TNR: variants seen among roughly 807,000 people sequenced by gnomAD.
The protein encoded by TNR is tenascin R, also known as tenascin-R.
A neutral mutation model predicts 150.4 loss-of-function variants in TNR; 45 were observed. The ratio of observed to expected loss-of-function variants is 0.30; its 90% CI spans 0.24 to 0.38. The LOEUF is 0.38. Among genes scored for constraint, TNR ranks in the 10% least tolerant of loss-of-function variants. The pLI is 1.00. For missense variants in TNR, 1,544 were observed against 1,759.1 expected (o/e 0.88, Z 2.19); for synonymous variants, 687 against 678.4 (o/e 1.01, Z -0.20).
At chr1:175,692,636 G>T (rs1255140462) in intron 1 of TNR, among the ~76,000 whole-genome samples, 1 of 152,204 alleles carries the variant, frequency 6.6e-6, no homozygotes, top group South Asian at 2.1e-4. Flanking sequence ...GGAGTAAGCA[G>T]TGGAGAGGTG....
chr1:175,734,476 A>G (rs557259256), intron 1 of TNR, among the ~76,000 whole-genome samples: 1 of 152,178 alleles, frequency 6.6e-6, no homozygotes, highest in Non-Finnish European at 1.5e-5. Context: ...GCAGAGTTTC[A>G]TCGACTGTTT....
chr1:175,644,892 G>C (rs912275867), intron 1 of TNR, among the ~76,000 whole-genome samples: 2 of 152,220 alleles, frequency 1.3e-5, no homozygotes. Context: ...GAGGGAAAGA[G>C]TGTGTGAAAA....
chr1:175,487,066 T>C (rs1383063705), intron 2 of TNR, among the ~76,000 whole-genome samples: 1 of 152,254 alleles, frequency 6.6e-6, no homozygotes, highest in Admixed American at 6.5e-5. Flanking sequence ...TCTCCCATTC[T>C]GTAGGTTGCC....
At chr1:175,598,197 T>G (rs1663084904) in intron 1 of TNR, among the ~76,000 whole-genome samples, 1 of 152,176 alleles carries the variant, frequency 6.6e-6, no homozygotes, top group Non-Finnish European at 1.5e-5. Context: ...TGAACTTCCC[T>G]CAGGAAGTAA....
At chr1:175,434,292 T>C (rs1006729394) in intron 2 of TNR, among the ~76,000 whole-genome samples, 11 of 152,148 alleles carry the variant, frequency 7.2e-5, no homozygotes, top group Non-Finnish European at 1.5e-4. Context: ...CGACTGTCCC[T>C]GGGAACACAA....
intron 1 of TNR, among the ~76,000 whole-genome samples, chr1:175,642,053 T>C (rs1379387854): frequency 6.6e-6 from 1 of 152,136 alleles, no homozygotes; most frequent in East Asian, 1.9e-4. Context: ...GTAATCCTAA[T>C]CCACAACCAT....
At position 175,448,269 on chromosome 1, in the gene TNR, G is replaced by A. The variant is rs546207365; in HGVS notation, c.-63-41492C>T. On this transcript the variant is annotated intron_variant, in intron 2 of 22. Transcript: ENST00000367674. ...GTCTTGCTCTGTCACCCAGGCTGGA[G>A]TGCAGTGGTGCAATCTTGGCTCACT... is the stretch of plus-strand genomic sequence containing the variant. Among the ~76,000 whole-genome samples the A allele has an allele frequency of 4.4e-3, 675 of 152,238 alleles. 3 individuals are homozygous for A. Among genetic ancestry groups the A allele is most frequent in the Non-Finnish European group, 7.4e-3 (503 of 68,010 alleles).
chr1:175,554,975 C>T (rs1661093824), intron 1 of TNR, among the ~76,000 whole-genome samples: 1 of 152,194 alleles, frequency 6.6e-6, no homozygotes, highest in African/African-American at 2.4e-5. Flanking sequence ...GAACACAGGT[C>T]TCTTTACTCT....
chr1:175,588,069 C>T (rs1662645935), intron 1 of TNR, among the ~76,000 whole-genome samples: 1 of 152,136 alleles, frequency 6.6e-6, no homozygotes, highest in Admixed American at 6.5e-5. Flanking sequence ...ATTTGTCTTG[C>T]ATAGTGTGAA....
intron 1 of TNR, among the ~76,000 whole-genome samples, chr1:175,664,316 A>G (rs901948271): frequency 6.6e-6 from 1 of 152,194 alleles, no homozygotes; most frequent in African/African-American, 2.4e-5. Flanking sequence ...GAAGGGGCAG[A>G]GTGGTAGAGG....
intron 1 of TNR, among the ~76,000 whole-genome samples, chr1:175,606,275 C>A (rs981260651): frequency 6.6e-6 from 1 of 152,068 alleles, no homozygotes; most frequent in Non-Finnish European, 1.5e-5. Context: ...ACTGGGCCAC[C>A]AAGCAGGGCT....
intron 9 of TNR, among the ~76,000 whole-genome samples, chr1:175,371,178 C>G (rs1162183512): frequency 6.6e-6 from 1 of 152,154 alleles, no homozygotes; most frequent in Admixed American, 6.5e-5. Context: ...TGCTCTCTAT[C>G]AATGCCCCCT....
intron 1 of TNR, among the ~76,000 whole-genome samples, chr1:175,570,175 G>A (rs573256608): frequency 2.6e-5 from 4 of 152,284 alleles, no homozygotes; most frequent in African/African-American, 9.6e-5. Context: ...CCTTTTGTGT[G>A]GAGAAGACCA....
chr1:175,642,145 G>A (rs1664683640), intron 1 of TNR, among the ~76,000 whole-genome samples: 3 of 152,064 alleles, frequency 2.0e-5, no homozygotes, highest in Non-Finnish European at 4.4e-5. Flanking sequence ...CAACCAGAAG[G>A]GAAGATTTGT....
intron 1 of TNR, among the ~76,000 whole-genome samples, chr1:175,706,690 C>T (rs149776882): frequency 0.017 from 2,600 of 152,210 alleles, 33 homozygotes; most frequent in Non-Finnish European, 0.026. Context: ...AATCTCATTC[C>T]CTATGACCCT....
intron 2 of TNR, among the ~76,000 whole-genome samples, chr1:175,519,537 T>G (rs1659550819): frequency 6.6e-6 from 1 of 152,208 alleles, no homozygotes; most frequent in Non-Finnish European, 1.5e-5. Context: ...CTCTTTACCA[T>G]TTCATTACCT....
In TNR at chr1:175,320,619, C is replaced by G. The variant is rs1377734686; in HGVS notation, c.*2738G>C. 6.6e-6 allele frequency: 1 copy of G among 151,992 alleles called. No homozygotes were observed. The highest frequency in any genetic ancestry group is 1.5e-5 in the Non-Finnish European group (1 of 68,008). 9.4% of individuals were successfully genotyped at this position (151,992 alleles called of 1,614,324 possible). On this transcript the variant is annotated 3_prime_UTR_variant, in exon 23 of 23. Coordinates refer to ENST00000367674, the MANE Select transcript of TNR (RefSeq NM_003285.3). ...TGATGAAGTGGGCGTGCTGGCACCACCCAGGTACCTGGTCTCTGTTTTTAT... is the reference window on the plus strand; with the variant it reads ...TGATGAAGTGGGCGTGCTGGCACCAGCCAGGTACCTGGTCTCTGTTTTTAT...
At chr1:175,398,798 G>A (rs1287441707) in intron 4 of TNR, among the ~76,000 whole-genome samples, 2 of 152,130 alleles carry the variant, frequency 1.3e-5, no homozygotes, top group African/African-American at 2.4e-5. Flanking sequence ...CATTTATATA[G>A]CATTTCACAG....
At position 175,362,688 on chromosome 1, in the gene TNR, C is replaced by T. The variant is rs191352713; in HGVS notation, c.2829G>A (p.Glu943=). ...LNSVRGREES[E]RICTLVHTAM... is the part of the protein sequence containing the mutation. ...CTGTGTGCACAAGAGTACAGATGCG[C>T]TCGCTTTCCTCCCTGCCCCGCACGC... Residue 943 remains glutamate (E), a synonymous_variant, in exon 14 of 23, where the codon GAG becomes GAA. Coordinates refer to ENST00000367674, the MANE Select transcript of TNR (RefSeq NM_003285.3). 120 of 1,614,118 alleles carry T rather than the reference C, an allele frequency of 7.4e-5. No individual in the cohort carries two copies. Among genetic ancestry groups the T allele is most frequent in the Middle Eastern group, 5.0e-4 (3 of 6,060 alleles).
Sources: gnomAD v4.1 joint callset for allele counts (sites outside exome capture counted in the v4.1 genomes callset) on GRCh38, gnomAD v4.1.1 for gene constraint, MANE v1.5 for transcripts, NCBI Gene and HGNC (gene_info 2026-07-23, HGNC 2026-07-21) for gene names.